Variants in LGALS3BP observed in about 807,000 individuals in gnomAD.
LGALS3BP encodes galectin-3-binding protein.
A neutral mutation model predicts 22.9 loss-of-function variants in LGALS3BP; 25 were observed. That is an observed-to-expected ratio of 1.09 (90% CI 0.80 to 1.53). The LOEUF (loss-of-function observed/expected upper bound fraction) is 1.53. Ranked by LOEUF, LGALS3BP falls within the 40% of genes most tolerant of loss-of-function variation. The pLI is 0.00. For missense variants in LGALS3BP, 718 were observed against 752.0 expected (o/e 0.95, Z 0.53); for synonymous variants, 335 against 331.1 (o/e 1.01, Z -0.13).
intron 1 of LGALS3BP, among the ~76,000 whole-genome samples, chr17:78,978,519 C>T (rs892124869): frequency 6.6e-5 from 10 of 152,358 alleles, no homozygotes; most frequent in East Asian, 5.8e-4. Flanking sequence ...GGGGTCTGCT[C>T]GGGGGAGCCC....
At position 78,972,112 on chromosome 17, in the gene LGALS3BP, T is replaced by G; in HGVS notation, c.1222A>C (p.Ile408Leu). 1 of 1,613,194 alleles carries G rather than the reference T, an allele frequency of 6.2e-7. No individual in the cohort carries two copies. The highest frequency in any genetic ancestry group is 8.5e-7 in the Non-Finnish European group (1 of 1,179,356). ...GCACTCCAGGTGGGCGAGGTGTAAA[T>G]CCGGGGCTTGTAGGTATCCTCGGTG... ...NLTEDTYKPR[I>L]YTSPTWSAFV... Residue 408 changes from isoleucine to leucine, a missense_variant, in exon 6 of 6, where the codon ATT becomes CTT. Coordinates refer to ENST00000262776, the MANE Select transcript of LGALS3BP (RefSeq NM_005567.4). This position sits in a 1 kb window ranked among gnomAD's most constrained non-coding sequence, Gnocchi z 5.1.
rs139634175 is a variant in LGALS3BP at position 78,972,512 on chromosome 17, C to G, written c.822G>C (p.Leu274=). ...YAYAVATGDA[L]LEKLCLQFLA... Reference sequence around the variant, plus strand: ...GGAACTGTAGGCAGAGCTTCTCCAGCAGGGCGTCCCCTGTGGCCACTGCAT... The same window carrying G: ...GGAACTGTAGGCAGAGCTTCTCCAGGAGGGCGTCCCCTGTGGCCACTGCAT... The change falls in exon 6 of 6, where the codon CTG becomes CTC. Residue 274 remains leucine (L), a synonymous_variant. Coordinates refer to ENST00000262776, the MANE Select transcript of LGALS3BP (RefSeq NM_005567.4). The surrounding 1 kb of genome is among the most constrained non-coding windows in gnomAD (Gnocchi z 5.1). 102 of 1,612,772 alleles carry G rather than the reference C, an allele frequency of 6.3e-5. No homozygotes were observed. Among genetic ancestry groups the G allele is most frequent in the Non-Finnish European group, 8.3e-5 (98 of 1,179,570 alleles).
Position 78,974,747 on chromosome 17 carries a change from A to T in LGALS3BP, c.317T>A (p.Leu106Gln), listed in dbSNP as rs1568023550. ...CCTGCAGTTGCTCTTCAGCCAGCCC[A>T]GGGACTTGCAGTCGGCCAGTGAGGC... ...TEASLADCKS[L>Q]GWLKSNCRHE... The change falls in exon 4 of 6, where the codon CTG becomes CAG. Residue 106 changes from leucine to glutamine, a missense_variant. Leu to Gln is a moderately radical substitution (Grantham distance 113, BLOSUM62 -2). Coordinates refer to ENST00000262776, the MANE Select transcript of LGALS3BP (RefSeq NM_005567.4). 1 of 1,613,868 alleles carries T rather than the reference A, an allele frequency of 6.2e-7. No homozygotes were observed. Among genetic ancestry groups the T allele is most frequent in the Non-Finnish European group, 8.5e-7 (1 of 1,179,998 alleles).
In LGALS3BP at chr17:78,974,716, C is replaced by G; in HGVS notation, c.348G>C (p.Glu116Asp). The part of the protein sequence containing the change: ...LGWLKSNCRH[E>D]RDAGVVCTNE... ...TGGTGCAGACCACACCAGCGTCTCT[C>G]TCGTGCCTGCAGTTGCTCTTCAGCC... The change falls in exon 4 of 6, where the codon GAG becomes GAC. Residue 116 changes from glutamate to aspartate, a missense_variant. Transcript: ENST00000262776. 6.2e-7 allele frequency: 1 copy of G among 1,613,804 alleles called. No homozygotes were observed. Among genetic ancestry groups the G allele is most frequent in the Non-Finnish European group, 8.5e-7 (1 of 1,179,996 alleles).
Position 78,976,013 on chromosome 17 carries a change from C to G in LGALS3BP, c.196G>C (p.Gly66Arg). Residue 66 changes from glycine to arginine, a missense_variant, in exon 3 of 6, where the codon GGC becomes CGC. By Grantham distance (125) the Gly-to-Arg change is moderately radical. Coordinates refer to ENST00000262776, the MANE Select transcript of LGALS3BP (RefSeq NM_005567.4). The surrounding 1 kb of genome is among the most constrained non-coding windows in gnomAD (Gnocchi z 4.6). Reference sequence around the variant, plus strand: ...AGAGCCTGGGTGGCGTTCTCGAAGCCCAGGGCCCGGCAGACGACGCTGGCA... The same window carrying G: ...AGAGCCTGGGTGGCGTTCTCGAAGCGCAGGGCCCGGCAGACGACGCTGGCA... Reference protein sequence around the residue: ...TDASVVCRALGFENATQALGR... With the variant: ...TDASVVCRALRFENATQALGR... 6.2e-7 allele frequency: 1 copy of G among 1,612,636 alleles called. No homozygotes were observed. The highest frequency in any genetic ancestry group is 8.5e-7 in the Non-Finnish European group (1 of 1,179,844).
At position 78,977,223 on chromosome 17, in the gene LGALS3BP, G is replaced by C; in HGVS notation, c.-23-9C>G. 6.2e-7 allele frequency: 1 copy of C among 1,609,232 alleles called. No homozygotes were observed. Among genetic ancestry groups the C allele is most frequent in the Non-Finnish European group, 8.5e-7 (1 of 1,178,786 alleles). On this transcript the variant is annotated splice_polypyrimidine_tract_variant and intron_variant, in intron 1 of 5. Transcript: ENST00000262776. ...GCCTGGATGCCCAGATCCTGCAGCA[G>C]ACAGAAGCGGAGGGGTGAGGCACGG...
rs11548451 is a variant in LGALS3BP, at chr17:78,971,975, G to A, written c.1359C>T (p.Tyr453=). 3.1e-6 allele frequency: 5 copies of A among 1,614,158 alleles called. No individual in the cohort carries two copies. The highest frequency in any genetic ancestry group is 4.2e-6 in the Non-Finnish European group (5 of 1,180,034). The change falls in exon 6 of 6, where the codon TAC becomes TAT. Residue 453 remains tyrosine, a synonymous_variant. Coordinates refer to ENST00000262776, the MANE Select transcript of LGALS3BP (RefSeq NM_005567.4). This position sits in a 1 kb window ranked among gnomAD's most constrained non-coding sequence, Gnocchi z 5.6. The part of the protein sequence containing the change: ...SSDYFQAPSD[Y]RYYPYQSFQT... The stretch of plus-strand genomic sequence containing the variant: ...GGAAGGACTGGTAGGGGTAGTATCT[G>A]TAGTCAGAGGGGGCTTGGAAGTAAT...
rs142003721 is a variant in LGALS3BP at position 78,972,605 on chromosome 17, G to A, written c.729C>T (p.Cys243=). The change falls in exon 6 of 6, where the codon TGC becomes TGT. Residue 243 remains cysteine (C), a synonymous_variant. Coordinates refer to ENST00000262776, the MANE Select transcript of LGALS3BP (RefSeq NM_005567.4). The surrounding 1 kb of genome is among the most constrained non-coding windows in gnomAD (Gnocchi z 5.1). The part of the protein sequence containing the change: ...AYGARQLQGY[C]ASLFAILLPQ... ...GGAGGAGGATGGCAAAGAGGCTTGC[G>A]CAGTAGCCCTGCAGCTGCCTGGCCC... 7.0e-4 allele frequency: 1,113 copies of A among 1,584,920 alleles called. 9 individuals are homozygous for A. In the African/African-American group the frequency reaches 0.012, roughly 17 times the overall value.
At chr17:78,977,852 C>CCCAGGGTGGG (rs1306464564) in intron 1 of LGALS3BP, among the ~76,000 whole-genome samples, 1 of 152,168 alleles carries the variant, frequency 6.6e-6, no homozygotes, top group East Asian at 1.9e-4. Context: ...AGGGCTGCAG[C>CCCAGGGTGGG]CCAGGGTGGG....
In LGALS3BP at chr17:78,976,967, A is replaced by G. The variant is rs1312589474; in HGVS notation, c.52+173T>C. ...CCTGAACCCAGGTGAGCCCCCGGGA[A>G]CCTCCAAGTCATCATCACTGGGGAT... is the stretch of plus-strand genomic sequence containing the variant. On this transcript the variant is annotated intron_variant, in intron 2 of 5. Transcript: ENST00000262776. This position sits in a 1 kb window ranked among gnomAD's most constrained non-coding sequence, Gnocchi z 4.6. 3.0e-6 allele frequency: 2 copies of G among 657,560 alleles called. No individual in the cohort carries two copies. The highest frequency in any genetic ancestry group is 3.5e-5 in the South Asian group (2 of 57,834). 40.7% of individuals were successfully genotyped at this position (657,560 alleles called of 1,614,324 possible). A position where few individuals can be genotyped will look rare whatever the true frequency, so the allele number is the denominator to read the frequency against.
rs368497268 is a variant in LGALS3BP at position 78,971,663 on chromosome 17, G to C, written c.1671C>G (p.Ser557=). 2.4e-5 allele frequency: 38 copies of C among 1,613,778 alleles called. No homozygotes were observed. The highest frequency in any genetic ancestry group is 1.7e-5 in the Admixed American group (1 of 60,014). The change falls in exon 6 of 6, where the codon TCC becomes TCG. Residue 557 remains serine, a synonymous_variant. Coordinates refer to ENST00000262776, the MANE Select transcript of LGALS3BP (RefSeq NM_005567.4). The surrounding 1 kb of genome is among the most constrained non-coding windows in gnomAD (Gnocchi z 5.6). ...AGTGCCCTGCCGGGCAGGGGAAGGAGGAGGTGCTCTTCGAGCTGTTGGTGT... is the reference window on the plus strand; with the variant it reads ...AGTGCCCTGCCGGGCAGGGGAAGGACGAGGTGCTCTTCGAGCTGTTGGTGT... ...ALDTNSSKST[S]SFPCPAGHFN...
chr17:78,979,063 C>CA (rs750557980), intron 1 of LGALS3BP, among the ~76,000 whole-genome samples: 4 of 51,040 alleles, frequency 7.8e-5, no homozygotes, highest in Non-Finnish European at 1.5e-4. Context: ...GACTCTGTCT[C>CA]AAAAAAAAAA....
rs1249840874 is a variant in LGALS3BP at position 78,973,966 on chromosome 17, G to A, written c.376+722C>T. Among the ~76,000 whole-genome samples the A allele has an allele frequency of 1.3e-5, 2 of 152,172 alleles. No individual in the cohort carries two copies. On this transcript the variant is annotated intron_variant, in intron 4 of 5. Transcript: ENST00000262776. The surrounding 1 kb of genome is among the most constrained non-coding windows in gnomAD (Gnocchi z 5.8). The stretch of plus-strand genomic sequence containing the variant: ...GCTTTGGCCGTGCGCCCATGGCCCC[G>A]TGTGCTCCCCGCCGCCTCCCCTGGC...
chr17:78,972,587 G>T lies in LGALS3BP; in HGVS notation c.747C>A (p.Ile249=). The T allele has an allele frequency of 6.3e-7, 1 of 1,598,638 alleles. No homozygotes were observed. Residue 249 remains isoleucine (I), a synonymous_variant, in exon 6 of 6, where the codon ATC becomes ATA. Coordinates refer to ENST00000262776, the MANE Select transcript of LGALS3BP (RefSeq NM_005567.4). The surrounding 1 kb of genome is among the most constrained non-coding windows in gnomAD (Gnocchi z 5.1). ...LQGYCASLFA[I]LLPQDPSFQM... ...GGAACGAGGGGTCCTGGGGGAGGAG[G>T]ATGGCAAAGAGGCTTGCGCAGTAGC...
chr17:78,974,753 T>G lies in LGALS3BP; in HGVS notation c.311A>C (p.Lys104Thr). Reference sequence around the variant, plus strand: ...GTTGCTCTTCAGCCAGCCCAGGGACTTGCAGTCGGCCAGTGAGGCCTCGGT... The same window carrying G: ...GTTGCTCTTCAGCCAGCCCAGGGACGTGCAGTCGGCCAGTGAGGCCTCGGT... ...TGTEASLADC[K>T]SLGWLKSNCR... Residue 104 changes from lysine to threonine, a missense_variant, in exon 4 of 6, where the codon AAG becomes ACG. Physicochemically the swap from Lys to Thr is moderately conservative, Grantham distance 78 (BLOSUM62 -1). Coordinates refer to ENST00000262776, the MANE Select transcript of LGALS3BP (RefSeq NM_005567.4). The G allele has an allele frequency of 2.5e-6, 4 of 1,613,894 alleles. No homozygotes were observed. The highest frequency in any genetic ancestry group is 2.5e-6 in the Non-Finnish European group (3 of 1,180,008).
Position 78,971,660 on chromosome 17 carries a change from G to A in LGALS3BP, c.1674C>T (p.Ser558=). 1.2e-6 allele frequency: 2 copies of A among 1,613,862 alleles called. No individual in the cohort carries two copies. Among genetic ancestry groups the A allele is most frequent in the Non-Finnish European group, 1.7e-6 (2 of 1,180,030 alleles). Residue 558 remains serine (S), a synonymous_variant, in exon 6 of 6, where the codon TCC becomes TCT. Coordinates refer to ENST00000262776, the MANE Select transcript of LGALS3BP (RefSeq NM_005567.4). The surrounding 1 kb of genome is among the most constrained non-coding windows in gnomAD (Gnocchi z 5.6). ...TGAAGTGCCCTGCCGGGCAGGGGAA[G>A]GAGGAGGTGCTCTTCGAGCTGTTGG... ...LDTNSSKSTS[S]FPCPAGHFNG...
chr17:78,974,631 G>C (rs2070702844), intron 4 of LGALS3BP, 57 bp downstream of exon 4: 1 of 1,575,112 alleles, frequency 6.3e-7, no homozygotes, highest in Non-Finnish European at 8.6e-7. Context: ...GAGGGGCAGG[G>C]GCCACGGGAC....
Position 78,973,354 on chromosome 17 carries a change from G to C in LGALS3BP, c.377-132C>G. 3 of 1,070,622 alleles carry C rather than the reference G, an allele frequency of 2.8e-6. No homozygotes were observed. Among genetic ancestry groups the C allele is most frequent in the Non-Finnish European group, 3.9e-6 (3 of 769,852 alleles). 66.3% of individuals were successfully genotyped at this position (1,070,622 alleles called of 1,614,324 possible). On this transcript the variant is annotated intron_variant, in intron 4 of 5. Transcript: ENST00000262776. This position sits in a 1 kb window ranked among gnomAD's most constrained non-coding sequence, Gnocchi z 5.8. Reference sequence around the variant, plus strand: ...CACTCTGGAAGGCTCCTGGGAAGACGAGGGACAAGAGAGACCGGAAGTGTC... The same window carrying C: ...CACTCTGGAAGGCTCCTGGGAAGACCAGGGACAAGAGAGACCGGAAGTGTC...
At position 78,976,767 on chromosome 17, in the gene LGALS3BP, G is replaced by A. The variant is rs1186893406; in HGVS notation, c.52+373C>T. 2 of 242,512 alleles carry A rather than the reference G, an allele frequency of 8.2e-6. No homozygotes were observed. The highest frequency in any genetic ancestry group is 4.6e-5 in the African/African-American group (2 of 43,240). The allele number at this position is 242,512 out of a possible 1,614,324, so 15.0% of individuals were successfully genotyped here. A position where few individuals can be genotyped will look rare whatever the true frequency, so the allele number is the denominator to read the frequency against. On this transcript the variant is annotated intron_variant, in intron 2 of 5. Coordinates refer to ENST00000262776, the MANE Select transcript of LGALS3BP (RefSeq NM_005567.4). The surrounding 1 kb of genome is among the most constrained non-coding windows in gnomAD (Gnocchi z 4.6). The stretch of plus-strand genomic sequence containing the variant: ...CCAGGATGAGCATGAGCTTCCAGGG[G>A]CTCACAGTGTAAAGAATGTGAGGAA...
Sources: gnomAD v4.1 joint callset for allele counts (sites outside exome capture counted in the v4.1 genomes callset) on GRCh38, gnomAD v4.1.1 for gene constraint, Gnocchi (gnomAD v3.1) non-coding constraint, MANE v1.5 for transcripts, NCBI Gene and HGNC (gene_info 2026-07-23, HGNC 2026-07-21) for gene names.